The following FAAH2 variants were observed in gnomAD, a reference collection of about 807,000 sequenced individuals.
FAAH2 encodes the protein fatty acid amide hydrolase 2, also known as fatty-acid amide hydrolase 2.
Under a neutral mutation model 36.9 loss-of-function variants are expected in FAAH2, and 60 were observed. The observed-to-expected ratio is 1.63, with a 90% confidence interval of 1.32 to 2.02. FAAH2 has a LOEUF of 2.02. Among genes scored for constraint, FAAH2 ranks in the 30% most tolerant of loss-of-function variants. The probability of loss-of-function intolerance (pLI) is 0.00; values close to 1 mark genes in which losing one functional copy is unlikely to be tolerated. For missense variants in FAAH2, 689 were observed against 397.5 expected, an observed-to-expected ratio of 1.73 and a Z score of -6.23; for synonymous variants, 214 against 143.8, an observed-to-expected ratio of 1.49 and a Z score of -3.49.
intron 7 of FAAH2, chrX:57,393,794 G>C (rs769669870): frequency 2.3e-6 from 2 of 876,448 alleles, no homozygotes; most frequent in Non-Finnish European, 3.4e-6. Flanking sequence ...ACTTTTCTTC[G>C]TTGGAGCCTG....
intron 3 of FAAH2, among the ~76,000 whole-genome samples, chrX:57,325,537 G>A (rs1221080853): frequency 9.1e-6 from 1 of 110,370 alleles, no homozygotes; most frequent in African/African-American, 3.3e-5. Context: ...AGTCTATTCA[G>A]AGATTGAACT....
chrX:57,398,700 G>A (rs745577265), intron 7 of FAAH2, among the ~76,000 whole-genome samples: 2 of 111,181 alleles, frequency 1.8e-5, no homozygotes, highest in East Asian at 5.7e-4. Flanking sequence ...GGTGATAGAT[G>A]ATTGGCTATT....
At chrX:57,396,421 A>T (rs1402781060) in intron 7 of FAAH2, among the ~76,000 whole-genome samples, 4 of 97,967 alleles carry the variant, frequency 4.1e-5, no homozygotes, top group Non-Finnish European at 8.2e-5. Flanking sequence ...GAAGTGGAGC[A>T]TTAGGTTGTT....
At chrX:57,331,848 A>T in intron 4 of FAAH2, 41 bp downstream of exon 4, 2 of 1,109,510 alleles carry the variant, frequency 1.8e-6, no homozygotes, top group African/African-American at 1.8e-5. Flanking sequence ...AGCTATGCTA[A>T]CAATAATAAT....
the FAAH2 span, chrX:57,126,932 T>C: frequency 1.8e-5 from 2 of 111,724 alleles, no homozygotes; most frequent in African/African-American, 6.5e-5. Flanking sequence ...GTAATCATCC[T>C]GAGGGCAATA....
chrX:57,356,019 T>C (rs1289452171), intron 5 of FAAH2, among the ~76,000 whole-genome samples: 1 of 111,494 alleles, frequency 9.0e-6, no homozygotes, highest in African/African-American at 3.2e-5. Flanking sequence ...CATATGATTT[T>C]CTGCATCAAT....
At chrX:57,293,196 A>T (rs1417944287) in intron 2 of FAAH2, among the ~76,000 whole-genome samples, 1 of 111,299 alleles carries the variant, frequency 9.0e-6, no homozygotes, top group Non-Finnish European at 1.9e-5. Context: ...TCTTGTTTGC[A>T]CGTCAGCTTT....
intron 7 of FAAH2, chrX:57,394,875 G>T (rs980735): frequency 1.0e-6 from 1 of 989,777 alleles, no homozygotes; most frequent in East Asian, 3.1e-5. Context: ...AGCAAGTCAC[G>T]CATCAGGGCC....
chrX:57,393,723 G>A (rs909076185), intron 7 of FAAH2: 79 of 1,015,178 alleles, frequency 7.8e-5, no homozygotes, highest in Non-Finnish European at 8.8e-5. Flanking sequence ...GAAGTGGTGA[G>A]AGCCAGGACA....
the FAAH2 span, among the ~76,000 whole-genome samples, chrX:57,266,209 C>T: frequency 8.9e-6 from 1 of 111,928 alleles, no homozygotes; most frequent in East Asian, 2.8e-4. Context: ...TGTGTTCGGG[C>T]TGGCAACAGG....
At chrX:57,170,636 T>A in the FAAH2 span, among the ~76,000 whole-genome samples, 6 of 110,951 alleles carry the variant, frequency 5.4e-5, no homozygotes, top group Non-Finnish European at 7.5e-5. Flanking sequence ...CCACTCTGTA[T>A]GTTTTTGCAA....
At chrX:57,217,272 G>C in the FAAH2 span, among the ~76,000 whole-genome samples, 1 of 103,593 alleles carries the variant, frequency 9.7e-6, no homozygotes, top group South Asian at 4.2e-4. Flanking sequence ...TCATTCAAAA[G>C]CTATTTTGTT....
rs188263882 is a variant in FAAH2, at chrX:57,376,299, A to G, written c.743-2352A>G. Among the ~76,000 whole-genome samples, 571 of 111,222 alleles carry G rather than the reference A, an allele frequency of 5.1e-3. 2 individuals are homozygous for G. Among genetic ancestry groups the G allele is most frequent in the African/African-American group, 0.018 (540 of 30,624 alleles). ...TGTGCAGAACATGCAGGTTTGTTAC[A>G]TAGGTGTATACGTGCCATGGTGGTT... On this transcript the variant is annotated intron_variant, in intron 5 of 10. Coordinates refer to ENST00000374900, the MANE Select transcript of FAAH2 (RefSeq NM_174912.4).
upstream of FAAH2, among the ~76,000 whole-genome samples, chrX:57,282,726 A>G (rs996739460): frequency 8.9e-6 from 1 of 111,796 alleles, no homozygotes; most frequent in African/African-American, 3.3e-5. Flanking sequence ...AATCCACTAG[A>G]TGGTGCTTAA....
chrX:57,338,296 G>T (rs951563687), intron 4 of FAAH2, among the ~76,000 whole-genome samples: 1 of 111,404 alleles, frequency 9.0e-6, no homozygotes, highest in South Asian at 3.8e-4. Flanking sequence ...AGATTTTTGT[G>T]CCAGGATGAA....
chrX:57,475,232 CA>C (rs1253549264), intron 10 of FAAH2, among the ~76,000 whole-genome samples: 1 of 111,776 alleles, frequency 8.9e-6, no homozygotes, highest in African/African-American at 3.3e-5. Flanking sequence ...GCTTTTGTTG[CA>C]ATTGCTCTTG....
chrX:57,168,770 ACTTCTCTACCCC>A, the FAAH2 span, among the ~76,000 whole-genome samples: 1 of 111,920 alleles, frequency 8.9e-6, no homozygotes, highest in African/African-American at 3.2e-5. Flanking sequence ...GTCAGTAATA[ACTTCTCTACCCC>A]CTTATGTGTA....
intron 3 of FAAH2, among the ~76,000 whole-genome samples, chrX:57,323,780 T>C (rs1211823103): frequency 1.2e-3 from 133 of 107,554 alleles, no homozygotes; most frequent in Non-Finnish European, 1.9e-3. Context: ...TTTTCTCCCA[T>C]TTTGTAGGTT....
chrX:57,323,828 G>A (rs1461573726), intron 3 of FAAH2, among the ~76,000 whole-genome samples: 2 of 110,298 alleles, frequency 1.8e-5, no homozygotes, highest in Non-Finnish European at 3.8e-5. Flanking sequence ...TTGCTGTGCA[G>A]AAGCTCTTTA....
Sources: gnomAD v4.1 joint callset for allele counts (sites outside exome capture counted in the v4.1 genomes callset) on GRCh38, gnomAD v4.1.1 for gene constraint, MANE v1.5 for transcripts, NCBI Gene and HGNC (gene_info 2026-07-23, HGNC 2026-07-21) for gene names.